The following MAN1C1 variants were observed in gnomAD, a reference collection of about 807,000 sequenced individuals.
The protein encoded by MAN1C1 is mannosyl-oligosaccharide 1,2-alpha-mannosidase IC.
Under a neutral mutation model 71.5 loss-of-function variants are expected in MAN1C1, and 49 were observed. That is an observed-to-expected ratio of 0.69 (90% CI 0.54 to 0.87). The LOEUF is 0.87. Among genes scored for constraint, MAN1C1 ranks in the 40% least tolerant of loss-of-function variants. The pLI is 0.00. For missense variants in MAN1C1, 743 were observed against 835.0 expected, an observed-to-expected ratio of 0.89 and a Z score of 1.36; for synonymous variants, 352 against 343.7, an observed-to-expected ratio of 1.02 and a Z score of -0.27.
Position 25,758,635 on chromosome 1 carries a change from G to T in MAN1C1, c.973G>T (p.Ala325Ser), listed in dbSNP as rs765858171. The T allele has an allele frequency of 1.2e-6, 2 of 1,614,202 alleles. No homozygotes were observed. The highest frequency in any genetic ancestry group is 1.1e-5 in the South Asian group (1 of 91,082). ...CACAGCCGGCAGCAGCAGCATCTTG[G>T]CGGAGTTTGGATCCCTGCACTTGGA... ...WATAGSSSIL[A>S]EFGSLHLEFL... is the part of the protein sequence containing the mutation. Residue 325 changes from alanine to serine, a missense_variant, in exon 6 of 12, where the codon GCG (alanine) becomes TCG (serine). Ala to Ser is a moderately conservative substitution (Grantham distance 99). Coordinates refer to ENST00000374332, the MANE Select transcript of MAN1C1 (RefSeq NM_020379.4).
chr1:25,781,678 C>T (rs936628510), intron 10 of MAN1C1, among the ~76,000 whole-genome samples: 1 of 152,102 alleles, frequency 6.6e-6, no homozygotes, highest in Non-Finnish European at 1.5e-5. Flanking sequence ...GGATGCTGAG[C>T]CTTCTCTGCC....
At position 25,778,146 on chromosome 1, in the gene MAN1C1, G is replaced by T; in HGVS notation, c.1299G>T (p.Leu433=). 6.3e-7 allele frequency: 1 copy of T among 1,599,176 alleles called. No individual in the cohort carries two copies. Among genetic ancestry groups the T allele is most frequent in the South Asian group, 1.1e-5 (1 of 89,822 alleles). ...TGCTGAATGTCTCTCCCGGGGGGCT[G>T]ACCTACATTGCCGAGTGGCGAGGGG... The part of the protein sequence containing the change: ...TYLLNVSPGG[L]TYIAEWRGGI... Residue 433 remains leucine, a synonymous_variant, in exon 9 of 12, where the codon CTG becomes CTT. Coordinates refer to ENST00000374332, the MANE Select transcript of MAN1C1 (RefSeq NM_020379.4). This position sits in a 1 kb window ranked among gnomAD's most constrained non-coding sequence, Gnocchi z 5.5.
chr1:25,645,130 C>T (rs1380741364), intron 1 of MAN1C1: 13 of 152,372 alleles, frequency 8.5e-5, no homozygotes, highest in Admixed American at 8.5e-4. Flanking sequence ...TCTCCCCTCG[C>T]CTGGTGTGCT....
chr1:25,663,608 A>G (rs1235924520), intron 1 of MAN1C1, among the ~76,000 whole-genome samples: 2 of 152,220 alleles, frequency 1.3e-5, no homozygotes, highest in African/African-American at 2.4e-5. Flanking sequence ...AACTGCGGAA[A>G]GTGAAACTGC....
At chr1:25,747,235 G>C (rs2047142393) in intron 3 of MAN1C1, among the ~76,000 whole-genome samples, 1 of 152,236 alleles carries the variant, frequency 6.6e-6, no homozygotes, top group African/African-American at 2.4e-5. Context: ...CGGGTGGGGT[G>C]GGCGTGGAGT....
At chr1:25,659,658 G>T (rs1456832032) in intron 1 of MAN1C1, among the ~76,000 whole-genome samples, 1 of 152,140 alleles carries the variant, frequency 6.6e-6, no homozygotes, top group African/African-American at 2.4e-5. Context: ...GAATCTCCTG[G>T]ACTCCAGCTT....
chr1:25,678,507 G>A (rs945933282), intron 1 of MAN1C1, among the ~76,000 whole-genome samples: 14 of 152,122 alleles, frequency 9.2e-5, no homozygotes, highest in Admixed American at 7.9e-4. Flanking sequence ...CACAGTGGTG[G>A]GCAAAACATG....
chr1:25,734,274 G>A (rs1312419493), intron 2 of MAN1C1, among the ~76,000 whole-genome samples: 1 of 151,884 alleles, frequency 6.6e-6, no homozygotes, highest in Non-Finnish European at 1.5e-5. Context: ...GACTACAGGT[G>A]TGCACCACCA....
intron 1 of MAN1C1, among the ~76,000 whole-genome samples, chr1:25,669,578 G>A (rs376072160): frequency 8.5e-5 from 13 of 152,160 alleles, no homozygotes; most frequent in African/African-American, 2.4e-4. Context: ...ACCAGCTTGG[G>A]CAACGTATCG....
At chr1:25,654,444 C>T (rs1405692659) in intron 1 of MAN1C1, 1 of 152,204 alleles carries the variant, frequency 6.6e-6, no homozygotes, top group Non-Finnish European at 1.5e-5. Flanking sequence ...AGGAAACTGT[C>T]TCACGCCAAG....
intron 2 of MAN1C1, among the ~76,000 whole-genome samples, chr1:25,720,114 T>C (rs2124273308): frequency 6.6e-6 from 1 of 152,352 alleles, no homozygotes; most frequent in Admixed American, 6.5e-5. Context: ...ATTTCCCTAA[T>C]GTCTAATGAT....
rs1030174225 is a variant in MAN1C1, at chr1:25,754,534, A to G, written c.929+956A>G. On this transcript the variant is annotated intron_variant, in intron 5 of 11. Transcript: ENST00000374332. ...ACTCATTGGAATCTCACCATAGGCC[A>G]GGGAGGGGGGTGCTCTCGGGGGCCG... Among the ~76,000 whole-genome samples the G allele has an allele frequency of 2.5e-4, 37 of 149,048 alleles. 1 individual carries two copies. The highest frequency in any genetic ancestry group is 8.7e-4 in the African/African-American group (35 of 40,184).
chr1:25,751,484 C>T (rs954108017), intron 4 of MAN1C1, among the ~76,000 whole-genome samples: 5 of 152,176 alleles, frequency 3.3e-5, no homozygotes, highest in African/African-American at 1.2e-4. Context: ...GAACATAGAC[C>T]AGATAGTGGG....
chr1:25,756,475 C>G (rs76421002), intron 5 of MAN1C1, among the ~76,000 whole-genome samples: 2,334 of 152,206 alleles, frequency 0.015, 69 homozygotes, highest in African/African-American at 0.053. Context: ...AAAAGGAGAA[C>G]AAAAGACTGT....
At chr1:25,729,935 G>A (rs772535793) in intron 2 of MAN1C1, among the ~76,000 whole-genome samples, 30 of 152,168 alleles carry the variant, frequency 2.0e-4, no homozygotes, top group Non-Finnish European at 3.5e-4. Flanking sequence ...GGCCTTAACA[G>A]CTGCATAAAC....
At chr1:25,687,257 G>A (rs574982541) in intron 2 of MAN1C1, among the ~76,000 whole-genome samples, 4 of 152,300 alleles carry the variant, frequency 2.6e-5, no homozygotes, top group South Asian at 4.2e-4. Context: ...ATCTGCAGCC[G>A]CACTTGCTGG....
At chr1:25,767,991 T>C (rs1572207212) in intron 7 of MAN1C1, among the ~76,000 whole-genome samples, 1 of 43,440 alleles carries the variant, frequency 2.3e-5, no homozygotes, top group East Asian at 8.5e-4. Flanking sequence ...CACACACACA[T>C]TACATACACT....
Position 25,771,719 on chromosome 1 carries a change from A to G in MAN1C1, c.1204A>G (p.Met402Val). Residue 402 changes from methionine to valine, a missense_variant, in exon 8 of 12, where the codon ATG becomes GTG. Physicochemically the swap from Met to Val is conservative, Grantham distance 21. Transcript: ENST00000374332. The stretch of plus-strand genomic sequence containing the variant: ...TGAATATTTGATCAAATCCTGGTTG[A>G]TGTCGGGCAAGACAGATATGGAGGC... ...FYEYLIKSWL[M>V]SGKTDMEAKN... The G allele has an allele frequency of 6.2e-7, 1 of 1,614,188 alleles. No homozygotes were observed.
At chr1:25,742,178 C>A (rs1274146008) in intron 2 of MAN1C1, among the ~76,000 whole-genome samples, 1 of 152,202 alleles carries the variant, frequency 6.6e-6, no homozygotes, top group Non-Finnish European at 1.5e-5. Flanking sequence ...GAGAAGATTT[C>A]TTGGCAGAGA....
Sources: allele counts gnomAD v4.1 joint callset (sites outside exome capture counted in the v4.1 genomes callset), GRCh38; gene constraint gnomAD v4.1.1; non-coding constraint Gnocchi (gnomAD v3.1); transcripts MANE v1.5; gene names NCBI Gene and HGNC (gene_info 2026-07-23, HGNC 2026-07-21).